LRRC56: variants seen among roughly 807,000 people sequenced by gnomAD.
The protein encoded by LRRC56 is leucine rich repeat containing 56.
In LRRC56, 41 loss-of-function variants were observed where a neutral mutation model predicts 47.8. The observed-to-expected ratio is 0.86, with a 90% CI of 0.67 to 1.11. LRRC56 has a LOEUF of 1.11. Among genes scored for constraint, LRRC56 ranks in the 50% most tolerant of loss-of-function variants. The pLI, the probability that LRRC56 is intolerant of heterozygous loss-of-function variation, is 0.00. For synonymous variants in LRRC56, 387 were observed against 311.2 expected (o/e 1.24, Z -2.56); for missense variants, 759 against 704.2 (o/e 1.08, Z -0.88).
chr11:514,249 C>G, the LRRC56 span, among the ~76,000 whole-genome samples: 1 of 151,658 alleles, frequency 6.6e-6, no homozygotes, highest in African/African-American at 2.4e-5. Flanking sequence ...CCACCTTGGC[C>G]TCCCACAGTG....
chr11:534,353 T>C (rs1169813174), upstream of LRRC56: 2 of 1,550,846 alleles, frequency 1.3e-6, no homozygotes, highest in African/African-American at 1.4e-5. Context: ...CCCGGGGTCC[T>C]CCTACAGGGT....
intron 12 of LRRC56, 106 bp from the exon 13 acceptor site, chr11:552,463 T>A (rs1385000566): frequency 2.4e-6 from 3 of 1,231,118 alleles, no homozygotes; most frequent in Non-Finnish European, 3.4e-6. Context: ...GGGCTGGGGC[T>A]ACCTTGGCTG....
upstream of LRRC56, chr11:533,989 G>T (rs745342495): frequency 5.0e-6 from 8 of 1,591,170 alleles, no homozygotes; most frequent in African/African-American, 9.4e-5. Context: ...ACCTTCCGTG[G>T]GGGGAGTTCA....
At chr11:540,560 C>T (rs1479334975) in intron 3 of LRRC56, 114 bp from the exon 4 acceptor site, 1 of 879,292 alleles carries the variant, frequency 1.1e-6, no homozygotes, top group African/African-American at 1.7e-5. Context: ...GGGGTGGGTG[C>T]CAAGGGCTTG....
Position 538,834 on chromosome 11 carries a change from C to G in LRRC56, c.-185C>G, listed in dbSNP as rs1019424239. The stretch of plus-strand genomic sequence containing the variant: ...CCACGTGCAGCCCACAGCTCTGGGG[C>G]GAGGCAGGCCCTCAACCGAACACGT... On this transcript the variant is annotated 5_prime_UTR_variant, in exon 2 of 14. Transcript: ENST00000270115. The G allele has an allele frequency of 6.6e-6, 1 of 152,286 alleles. No homozygotes were observed. The highest frequency in any genetic ancestry group is 6.5e-5 in the Admixed American group (1 of 15,282). 9.4% of individuals were successfully genotyped at this position (152,286 alleles called of 1,614,324 possible). A position where few individuals can be genotyped will look rare whatever the true frequency, so the allele number is the denominator to read the frequency against.
intron 13 of LRRC56, among the ~76,000 whole-genome samples, chr11:553,703 G>T (rs1852565896): frequency 6.6e-6 from 1 of 152,226 alleles, no homozygotes; most frequent in Non-Finnish European, 1.5e-5. Context: ...CTCCTTCTCA[G>T]GGACAGGACA....
At chr11:519,012 G>C in the LRRC56 span, among the ~76,000 whole-genome samples, 1,389 of 152,048 alleles carry the variant, frequency 9.1e-3, 11 homozygotes, top group Non-Finnish European at 0.016. Context: ...GGCGCCGCAC[G>C]GGGGAGGCTT....
Position 552,188 on chromosome 11 carries a change from C to A in LRRC56, c.1137C>A (p.Phe379Leu). 6.2e-7 allele frequency: 1 copy of A among 1,612,628 alleles called. No individual in the cohort carries two copies. Among genetic ancestry groups the A allele is most frequent in the Non-Finnish European group, 8.5e-7 (1 of 1,179,818 alleles). ...PEPDPADSSD[F>L]LALAGLRAWR... ...CTGACCCTGCAGACAGCTCTGACTT[C>A]CTGGCCTTGGCTGGGCTCAGGGCCT... The change falls in exon 12 of 14, where the codon TTC becomes TTA. Residue 379 changes from phenylalanine (F) to leucine (L), a missense_variant. By Grantham distance (22) the Phe-to-Leu change is conservative (BLOSUM62 0). Transcript: ENST00000270115.
rs760061263 is a variant in LRRC56 at position 550,069 on chromosome 11, C to T, written c.424-3C>T. On this transcript the variant is annotated splice_polypyrimidine_tract_variant and splice_region_variant and intron_variant, in intron 7 of 13. Coordinates refer to ENST00000270115, the MANE Select transcript of LRRC56 (RefSeq NM_198075.4). ...CCCTGGCTCAGAGCCCCGCGCTGCC[C>T]AGGAACTCTACGCCTCCTACAACAA... is the stretch of plus-strand genomic sequence containing the variant. 2 of 1,611,664 alleles carry T rather than the reference C, an allele frequency of 1.2e-6. No homozygotes were observed. The highest frequency in any genetic ancestry group is 1.3e-5 in the African/African-American group (1 of 75,024).
intron 12 of LRRC56, 87 bp from the exon 13 acceptor site, chr11:552,482 C>T (rs1852457213): frequency 7.6e-7 from 1 of 1,319,306 alleles, no homozygotes; most frequent in Admixed American, 2.2e-5. Flanking sequence ...TGAGTCATCC[C>T]CAGTCCCAAG....
upstream of LRRC56, among the ~76,000 whole-genome samples, chr11:536,502 G>T (rs1190973152): frequency 6.6e-6 from 1 of 152,264 alleles, no homozygotes; most frequent in East Asian, 1.9e-4. Context: ...GGGCGCGGTG[G>T]CTCACGCCTA....
the LRRC56 span, among the ~76,000 whole-genome samples, chr11:511,837 T>C: frequency 6.6e-6 from 1 of 152,140 alleles, no homozygotes; most frequent in East Asian, 1.9e-4. Flanking sequence ...CGGAAGATAT[T>C]CAAAACACCA....
the LRRC56 span, among the ~76,000 whole-genome samples, chr11:521,775 C>T: frequency 3.3e-5 from 5 of 152,102 alleles, no homozygotes; most frequent in East Asian, 7.8e-4. Flanking sequence ...ATTAGCTGGA[C>T]GTGGTGGCGA....
At chr11:552,029 T>G in intron 11 of LRRC56, 61 bp from the exon 12 acceptor site, 1 of 1,605,516 alleles carries the variant, frequency 6.2e-7, no homozygotes, top group Admixed American at 1.7e-5. Context: ...GCCCTGACAG[T>G]GCCCTGCCCT....
the LRRC56 span, among the ~76,000 whole-genome samples, chr11:520,930 A>C: frequency 6.6e-6 from 1 of 152,208 alleles, no homozygotes; most frequent in Non-Finnish European, 1.5e-5. Context: ...GGAATTGTCC[A>C]TATTGAGACC....
chr11:531,618 T>A, the LRRC56 span, among the ~76,000 whole-genome samples: 2 of 149,644 alleles, frequency 1.3e-5, no homozygotes, highest in Non-Finnish European at 3.0e-5. Context: ...CGGGGGAGAG[T>A]GGGGCAGGAG....
At chr11:532,936 AC>A (rs1485260559), upstream of LRRC56, among the ~76,000 whole-genome samples, 1 of 152,020 alleles carries the variant, frequency 6.6e-6, no homozygotes, top group Non-Finnish European at 1.5e-5. Context: ...GCCCAGGGCC[AC>A]CCGCATCATG....
chr11:515,154 G>C, the LRRC56 span, among the ~76,000 whole-genome samples: 3 of 152,310 alleles, frequency 2.0e-5, no homozygotes, highest in East Asian at 5.8e-4. Context: ...TGCACATGTG[G>C]GGAGGGTCAG....
the LRRC56 span, among the ~76,000 whole-genome samples, chr11:521,266 G>A: frequency 1.4e-4 from 22 of 152,306 alleles, no homozygotes; most frequent in South Asian, 2.1e-4. Context: ...CATGGGTCTA[G>A]CTGGCATTTC....
Sources: gnomAD v4.1 joint callset for allele counts (sites outside exome capture counted in the v4.1 genomes callset) on GRCh38, gnomAD v4.1.1 for gene constraint, MANE v1.5 for transcripts, NCBI Gene and HGNC (gene_info 2026-07-23, HGNC 2026-07-21) for gene names.